Variants in SP140 observed in about 807,000 individuals in gnomAD.
SP140 encodes SP140 nuclear body protein, also known as nuclear body protein SP140.
In SP140, 81 loss-of-function variants were observed where a neutral mutation model predicts 125.0. That is an observed-to-expected ratio of 0.65 (90% CI 0.54 to 0.78). The LOEUF (loss-of-function observed/expected upper bound fraction) is 0.78. Among genes scored for constraint, SP140 ranks in the 30% least tolerant of loss-of-function variants. The pLI, the probability that SP140 is intolerant of heterozygous loss-of-function variation, is 0.00. For missense variants in SP140, 858 were observed against 1,037.0 expected, an observed-to-expected ratio of 0.83 and a Z score of 2.37; for synonymous variants, 312 against 354.0, an observed-to-expected ratio of 0.88 and a Z score of 1.33.
Position 230,287,928 on chromosome 2 carries a change from A to G in SP140, c.1682A>G (p.Gln561Arg). Residue 561 changes from glutamine (Q) to arginine (R), a missense_variant, in exon 18 of 27, where the codon CAG (glutamine) becomes CGG (arginine). Coordinates refer to ENST00000392045, the MANE Select transcript of SP140 (RefSeq NM_007237.5). ...GGCAAACCTGGAACCCGCTTCACTC[A>G]GAGTGACAGAGCTGCACAGAAAAGA... is the stretch of plus-strand genomic sequence containing the variant. ...KRGKPGTRFT[Q>R]SDRAAQKRVR... 1 of 1,612,602 alleles carries G rather than the reference A, an allele frequency of 6.2e-7. No homozygotes were observed. Among genetic ancestry groups the G allele is most frequent in the Non-Finnish European group, 8.5e-7 (1 of 1,179,756 alleles).
At chr2:230,292,846 G>C in intron 20 of SP140, 58 bp downstream of exon 20, 10 of 1,605,828 alleles carry the variant, frequency 6.2e-6, no homozygotes, top group Non-Finnish European at 6.8e-6. Flanking sequence ...ATAATGAGGA[G>C]ACTGTTTATT....
intron 18 of SP140, among the ~76,000 whole-genome samples, chr2:230,288,667 T>G (rs919501365): frequency 1.3e-5 from 2 of 152,132 alleles, no homozygotes; most frequent in Non-Finnish European, 2.9e-5. Context: ...TCTGTCCCTG[T>G]GTCCATGTGT....
chr2:230,223,033 G>C (rs2148988640), upstream of SP140, among the ~76,000 whole-genome samples: 1 of 147,242 alleles, frequency 6.8e-6, no homozygotes, highest in Middle Eastern at 3.6e-3. Context: ...TCATCAATCA[G>C]TCTGACTTTT....
intron 11 of SP140, among the ~76,000 whole-genome samples, 181 bp downstream of exon 11, chr2:230,253,598 G>C (rs1057105483): frequency 6.6e-6 from 1 of 152,102 alleles, no homozygotes. Context: ...AAAGGATCAA[G>C]CTAAGGTGAG....
intron 15 of SP140, among the ~76,000 whole-genome samples, chr2:230,276,061 G>A (rs112319556): frequency 1.3e-5 from 2 of 152,292 alleles, no homozygotes; most frequent in African/African-American, 4.8e-5. Flanking sequence ...AGTGCAAGGC[G>A]AAGCTGCAAA....
chr2:230,225,064 C>T (rs779647201), upstream of SP140, among the ~76,000 whole-genome samples: 1 of 152,164 alleles, frequency 6.6e-6, no homozygotes, highest in Non-Finnish European at 1.5e-5. Flanking sequence ...CCTTGAAGGT[C>T]TAGATAATCT....
In SP140 at chr2:230,237,260, A is replaced by G. The variant is rs980185676; in HGVS notation, c.237A>G (p.Glu79=). ...CCTTCATCTCCGAGCAGATGTATGAAGTAAGTAAGAATTTCCAAATGATGA... is the reference window on the plus strand; with the variant it reads ...CCTTCATCTCCGAGCAGATGTATGAGGTAAGTAAGAATTTCCAAATGATGA... ...DRSFISEQMY[E]HFQEAFRNLV... Residue 79 remains glutamate, a splice_region_variant and synonymous_variant, in exon 2 of 27, where the codon GAA becomes GAG. Coordinates refer to ENST00000392045, the MANE Select transcript of SP140 (RefSeq NM_007237.5). The surrounding 1 kb of genome is among the most constrained non-coding windows in gnomAD (Gnocchi z 5.4). The G allele has an allele frequency of 6.2e-7, 1 of 1,608,858 alleles. No homozygotes were observed. The highest frequency in any genetic ancestry group is 2.2e-5 in the East Asian group (1 of 44,738).
chr2:230,292,809 C>A (rs201458629), intron 20 of SP140, 21 bp downstream of exon 20: 10 of 1,613,342 alleles, frequency 6.2e-6, no homozygotes, highest in Non-Finnish European at 8.5e-6. Flanking sequence ...GACAAGGGGC[C>A]AGGCCTGTGT....
intron 3 of SP140, among the ~76,000 whole-genome samples, chr2:230,240,452 T>C (rs1252004761): frequency 6.6e-6 from 1 of 152,018 alleles, no homozygotes; most frequent in Non-Finnish European, 1.5e-5. Context: ...TATGAAGAAC[T>C]CCTATAAATG....
chr2:230,252,997 T>C (rs998689963), intron 10 of SP140, among the ~76,000 whole-genome samples: 24 of 151,848 alleles, frequency 1.6e-4, no homozygotes, highest in African/African-American at 5.1e-4. Context: ...TGGGATAGGA[T>C]GGATCTAGAA....
At chr2:230,233,509 A>C (rs1051552188) in intron 1 of SP140, among the ~76,000 whole-genome samples, 3 of 152,178 alleles carry the variant, frequency 2.0e-5, no homozygotes, top group Non-Finnish European at 2.9e-5. Flanking sequence ...ATTTGGGTTC[A>C]GGATATTTTT....
chr2:230,300,016 T>C (rs2058140554), intron 22 of SP140, among the ~76,000 whole-genome samples: 1 of 152,114 alleles, frequency 6.6e-6, no homozygotes, highest in Admixed American at 6.6e-5. Context: ...ATGGTCTTTC[T>C]CTACCTGCCC....
intron 1 of SP140, among the ~76,000 whole-genome samples, chr2:230,208,305 T>C (rs1428941221): frequency 6.6e-6 from 1 of 152,104 alleles, no homozygotes; most frequent in Non-Finnish European, 1.5e-5. Flanking sequence ...GGTTGTGAAA[T>C]GAAGGAGAGA....
chr2:230,291,330 CT>C (rs574484817), intron 19 of SP140, among the ~76,000 whole-genome samples: 287 of 152,120 alleles, frequency 1.9e-3, no homozygotes, highest in Non-Finnish European at 2.8e-3. Flanking sequence ...TACAAATCAA[CT>C]TTTTTTTGTA....
chr2:230,209,583 C>T (rs1436976590), intron 1 of SP140, among the ~76,000 whole-genome samples: 2 of 152,096 alleles, frequency 1.3e-5, no homozygotes, highest in Non-Finnish European at 2.9e-5. Flanking sequence ...GCAGAGAATG[C>T]CTAGCCATGT....
downstream of SP140, among the ~76,000 whole-genome samples, chr2:230,313,510 G>C (rs1250329725): frequency 6.6e-6 from 1 of 152,190 alleles, no homozygotes; most frequent in Non-Finnish European, 1.5e-5. Context: ...CGGCTACTCT[G>C]TGTTCCCAGG....
At chr2:230,204,657 CA>C (rs1434528032) in intron 1 of SP140, among the ~76,000 whole-genome samples, 1 of 151,770 alleles carries the variant, frequency 6.6e-6, no homozygotes, top group Non-Finnish European at 1.5e-5. Flanking sequence ...AGGACATTAC[CA>C]TCTAGCCTAG....
At chr2:230,251,499 G>A (rs2050362583) in intron 10 of SP140, among the ~76,000 whole-genome samples, 1 of 152,020 alleles carries the variant, frequency 6.6e-6, no homozygotes, top group Non-Finnish European at 1.5e-5. Context: ...ATGCTAGGAG[G>A]AAAAAATGCT....
intron 22 of SP140, among the ~76,000 whole-genome samples, chr2:230,309,264 G>A (rs538316726): frequency 6.6e-6 from 1 of 152,296 alleles, no homozygotes; most frequent in East Asian, 1.9e-4. Context: ...ATCAGAGATG[G>A]CACCTTCGCA....
Sources: gnomAD v4.1 joint callset for allele counts (sites outside exome capture counted in the v4.1 genomes callset) on GRCh38, gnomAD v4.1.1 for gene constraint, Gnocchi (gnomAD v3.1) non-coding constraint, MANE v1.5 for transcripts, NCBI Gene and HGNC (gene_info 2026-07-23, HGNC 2026-07-21) for gene names.